Variants in TERF1 observed in about 807,000 individuals in gnomAD.
The protein encoded by TERF1 is telomeric repeat binding factor 1.
TERF1 carries 20 observed loss-of-function variants against 55.1 expected under a neutral mutation model. The observed-to-expected ratio is 0.36, with a 90% CI of 0.26 to 0.53. The LOEUF (loss-of-function observed/expected upper bound fraction) is 0.53, where lower values mean the gene tolerates loss of function less well. Among genes scored for constraint, TERF1 ranks in the 20% least tolerant of loss-of-function variants. TERF1 has a pLI of 0.91. For synonymous variants in TERF1, 168 were observed against 181.2 expected (o/e 0.93, Z 0.59); for missense variants, 439 against 535.7 (o/e 0.82, Z 1.78).
chr8:73,027,067 C>A lies in TERF1; in HGVS notation c.887+15C>A. On this transcript the variant is annotated intron_variant, in intron 6 of 9. Coordinates refer to ENST00000276603, the MANE Select transcript of TERF1 (RefSeq NM_017489.3). ...ACAAGAAAAAGGTTTGTAATTTAAT[C>A]AATTTGTATATTTTTTGTTTTATGA... 6.4e-7 allele frequency: 1 copy of A among 1,564,876 alleles called. No homozygotes were observed. The highest frequency in any genetic ancestry group is 1.1e-5 in the South Asian group (1 of 87,538).
chr8:73,024,505 T>TCC, intron 4 of TERF1, among the ~76,000 whole-genome samples: 1 of 152,174 alleles, frequency 6.6e-6, no homozygotes, highest in Non-Finnish European at 1.5e-5. Flanking sequence ...GGGAATACAA[T>TCC]CAGATTATGG....
intron 6 of TERF1, 102 bp downstream of exon 6, chr8:73,027,154 G>A (rs1034979063): frequency 1.7e-5 from 14 of 815,048 alleles, no homozygotes; most frequent in Middle Eastern, 7.1e-4. Context: ...TGAGTAGCAT[G>A]TTATCTTGCT....
rs1193583814 is a variant in TERF1 at position 73,026,211 on chromosome 8, T to A, written c.775-729T>A. Reference sequence around the variant, plus strand: ...GAGACTTGTCTCAAAAAAAAACACATTTCTAGTCAGGCGCGGTAACTCACG... The same window carrying A: ...GAGACTTGTCTCAAAAAAAAACACAATTCTAGTCAGGCGCGGTAACTCACG... On this transcript the variant is annotated intron_variant, in intron 5 of 9. Coordinates refer to ENST00000276603, the MANE Select transcript of TERF1 (RefSeq NM_017489.3). Among the ~76,000 whole-genome samples, 10 of 121,684 alleles carry A rather than the reference T, an allele frequency of 8.2e-5. No homozygotes were observed. The Admixed American group carries it at 9.0e-4, about 11-fold the overall frequency. 79.8% of individuals were successfully genotyped at this position (121,684 alleles called of 152,430 possible).
At chr8:73,014,816 G>T (rs1404289322) in intron 2 of TERF1, among the ~76,000 whole-genome samples, 1 of 152,190 alleles carries the variant, frequency 6.6e-6, no homozygotes, top group Non-Finnish European at 1.5e-5. Context: ...AGTCTGCTTT[G>T]TTTGGGGGGT....
chr8:73,035,359 A>T (rs1809467964), intron 8 of TERF1, among the ~76,000 whole-genome samples: 1 of 151,992 alleles, frequency 6.6e-6, no homozygotes, highest in Admixed American at 6.6e-5. Flanking sequence ...TTAATTTCCA[A>T]ATATCTTTCT....
chr8:73,044,613 TATATTC>T (rs1450264306), intron 9 of TERF1, among the ~76,000 whole-genome samples: 18 of 152,188 alleles, frequency 1.2e-4, no homozygotes, highest in Non-Finnish European at 1.5e-4. Flanking sequence ...TAGCATTAAA[TATATTC>T]ATATTGTGCT....
intron 2 of TERF1, among the ~76,000 whole-genome samples, chr8:73,016,395 A>G (rs1432917651): frequency 1.3e-5 from 2 of 151,620 alleles, no homozygotes; most frequent in African/African-American, 4.9e-5. Context: ...CAGATATCTT[A>G]AAGGGGAAAT....
At chr8:73,034,466 T>C (rs1180938757) in intron 8 of TERF1, among the ~76,000 whole-genome samples, 1 of 152,132 alleles carries the variant, frequency 6.6e-6, no homozygotes. Flanking sequence ...GGGTTTGGCA[T>C]GTTGCCCCTG....
At chr8:73,045,180 C>T (rs1464004440) in intron 9 of TERF1, among the ~76,000 whole-genome samples, 1 of 152,176 alleles carries the variant, frequency 6.6e-6, no homozygotes, top group Non-Finnish European at 1.5e-5. Context: ...CATATCCTCA[C>T]CAACACTTAT....
intron 2 of TERF1, among the ~76,000 whole-genome samples, chr8:73,016,042 C>T (rs574774578): frequency 4.3e-4 from 66 of 152,206 alleles, no homozygotes; most frequent in African/African-American, 1.5e-3. Flanking sequence ...CACTTGAGCC[C>T]ACGAGTTTAA....
intron 2 of TERF1, among the ~76,000 whole-genome samples, chr8:73,014,455 T>G (rs1197139721): frequency 2.0e-5 from 3 of 152,176 alleles, no homozygotes; most frequent in African/African-American, 7.2e-5. Context: ...CTATTATATT[T>G]GAAACCTTTT....
intron 8 of TERF1, among the ~76,000 whole-genome samples, chr8:73,032,576 AAT>A (rs138668441): frequency 1.3e-3 from 191 of 149,676 alleles, no homozygotes; most frequent in African/African-American, 4.0e-3. Context: ...TTTCTATATG[AAT>A]ATATATATAT....
chr8:73,031,182 A>G (rs766937639), intron 7 of TERF1: 1 of 152,344 alleles, frequency 6.6e-6, no homozygotes, highest in Non-Finnish European at 1.5e-5. Flanking sequence ...CTGTCTCTGG[A>G]GTCCTATAGT....
At chr8:73,012,797 ACTCATTAAAATTTTAATTAGTT>A in intron 1 of TERF1, 1 of 411,018 alleles carries the variant, frequency 2.4e-6, no homozygotes, top group Non-Finnish European at 4.9e-6. Flanking sequence ...CCTTCGTGGT[ACTCATTAAAATTTTAATTAGTT>A]ACTTACATAA....
chr8:73,009,224 C>A lies in TERF1; in HGVS notation c.319+19C>A. ...GCAGAGGGTGAGTGCAGACCGCGTCCGGGCCGGGACTACGCGGGGGGCGGA... is the reference window on the plus strand; with the variant it reads ...GCAGAGGGTGAGTGCAGACCGCGTCAGGGCCGGGACTACGCGGGGGGCGGA... On this transcript the variant is annotated intron_variant, in intron 1 of 9. Coordinates refer to ENST00000276603, the MANE Select transcript of TERF1 (RefSeq NM_017489.3). 1 of 1,595,036 alleles carries A rather than the reference C, an allele frequency of 6.3e-7. No individual in the cohort carries two copies. The highest frequency in any genetic ancestry group is 8.5e-7 in the Non-Finnish European group (1 of 1,170,664).
chr8:73,029,932 C>T (rs1248106379), intron 6 of TERF1: 1 of 154,022 alleles, frequency 6.5e-6, no homozygotes, highest in Non-Finnish European at 1.4e-5. Context: ...CAATTGGAGA[C>T]TGGTGGGGAG....
At chr8:73,011,735 TC>T (rs1164279345) in intron 1 of TERF1, 1 of 152,374 alleles carries the variant, frequency 6.6e-6, no homozygotes, top group Non-Finnish European at 1.5e-5. Flanking sequence ...TTCCAACTTT[TC>T]TTTTGCAATT....
intron 5 of TERF1, among the ~76,000 whole-genome samples, 171 bp from the exon 6 acceptor site, chr8:73,026,769 G>A (rs1809024712): frequency 6.6e-6 from 1 of 151,994 alleles, no homozygotes; most frequent in Admixed American, 6.6e-5. Flanking sequence ...GTAGCTGCTG[G>A]CAGTGTCATA....
intron 8 of TERF1, among the ~76,000 whole-genome samples, chr8:73,036,620 C>T (rs1809523454): frequency 6.6e-6 from 1 of 151,486 alleles, no homozygotes; most frequent in Non-Finnish European, 1.5e-5. Flanking sequence ...GCAGGGATAC[C>T]AGAATTCTCA....
Sources: gnomAD v4.1 joint callset for allele counts (sites outside exome capture counted in the v4.1 genomes callset) on GRCh38, gnomAD v4.1.1 for gene constraint, MANE v1.5 for transcripts, NCBI Gene and HGNC (gene_info 2026-07-23, HGNC 2026-07-21) for gene names.